Variants in UQCC1 observed in about 807,000 individuals in gnomAD.
The protein encoded by UQCC1 is ubiquinol-cytochrome c reductase complex assembly factor 1, also known as bFGF-repressed Zic-binding protein.
In UQCC1, 38 loss-of-function variants were observed where a neutral mutation model predicts 48.0. The observed-to-expected ratio is 0.79, with a 90% CI of 0.61 to 1.04. The LOEUF (loss-of-function observed/expected upper bound fraction) is 1.04, where lower values mean the gene tolerates loss of function less well. Among genes scored for constraint, UQCC1 ranks in the 50% least tolerant of loss-of-function variants. UQCC1 has a pLI of 0.00. For missense variants in UQCC1, 368 were observed against 381.8 expected (o/e 0.96, Z 0.30); for synonymous variants, 111 against 129.2 (o/e 0.86, Z 0.95).
chr20:35,367,269 T>A (rs538229521), intron 5 of UQCC1, among the ~76,000 whole-genome samples: 2 of 152,250 alleles, frequency 1.3e-5, no homozygotes, highest in African/African-American at 4.8e-5. Flanking sequence ...CTATGGTTCC[T>A]TCCAGCTTCC....
At chr20:35,401,471 A>C (rs2062163643) in intron 1 of UQCC1, among the ~76,000 whole-genome samples, 1 of 152,118 alleles carries the variant, frequency 6.6e-6, no homozygotes, top group African/African-American at 2.4e-5. Context: ...CGGAATGTTG[A>C]CCCATCTCAG....
chr20:35,314,659 C>A, intron 8 of UQCC1, 29 bp downstream of exon 8: 2 of 1,581,706 alleles, frequency 1.3e-6, no homozygotes, highest in South Asian at 1.1e-5. Context: ...AGGCCACCGT[C>A]CTGCCTAAGC....
chr20:35,384,458 T>C (rs971528754), intron 2 of UQCC1: 4 of 337,154 alleles, frequency 1.2e-5, no homozygotes, highest in South Asian at 2.5e-5. Flanking sequence ...CTGGGGAACA[T>C]AGCAAGACTC....
chr20:35,392,299 C>A (rs555575256), intron 2 of UQCC1: 3 of 1,303,934 alleles, frequency 2.3e-6, no homozygotes, highest in Non-Finnish European at 3.0e-6. Flanking sequence ...GAAGATACTC[C>A]AGTAAGTTAC....
At chr20:35,356,617 G>T (rs2061550066) in intron 6 of UQCC1, among the ~76,000 whole-genome samples, 1 of 152,182 alleles carries the variant, frequency 6.6e-6, no homozygotes, top group Non-Finnish European at 1.5e-5. Context: ...TCACAGGTGA[G>T]AAAATTGAGT....
chr20:35,374,533 C>G (rs2061774356), intron 4 of UQCC1, among the ~76,000 whole-genome samples: 1 of 152,200 alleles, frequency 6.6e-6, no homozygotes, highest in African/African-American at 2.4e-5. Flanking sequence ...TTCCAACCTA[C>G]TTCACCACAT....
chr20:35,373,669 T>C (rs569339096), intron 5 of UQCC1, among the ~76,000 whole-genome samples: 312 of 109,242 alleles, frequency 2.9e-3, no homozygotes, highest in African/African-American at 0.011. Flanking sequence ...CCTGGGCTAA[T>C]AGAGCAAGAC....
At chr20:35,319,343 A>C (rs375929351) in intron 7 of UQCC1, among the ~76,000 whole-genome samples, 1 of 152,196 alleles carries the variant, frequency 6.6e-6, no homozygotes, top group East Asian at 1.9e-4. Flanking sequence ...GGGAGGGAGC[A>C]CTCAATAGGA....
intron 1 of UQCC1, among the ~76,000 whole-genome samples, chr20:35,402,086 C>G (rs1425552719): frequency 6.6e-6 from 1 of 152,128 alleles, no homozygotes; most frequent in Non-Finnish European, 1.5e-5. Flanking sequence ...ATGTGGCATG[C>G]TATAATACAA....
rs1677427038 is a variant in UQCC1 at position 35,304,045 on chromosome 20, C to G, written c.790G>C (p.Gly264Arg). ...KQIQYLDSMN[G>R]EDLLLTGEVS... ...TCCCCTGTCAGAAGCAGATCCTCCC[C>G]GTTCATGGAGTCCAGGTACTGTATC... Residue 264 changes from glycine (G) to arginine (R), a missense_variant, in exon 10 of 10, where the codon GGG becomes CGG. Coordinates refer to ENST00000374385, the MANE Select transcript of UQCC1 (RefSeq NM_018244.5). 2 of 1,614,128 alleles carry G rather than the reference C, an allele frequency of 1.2e-6. No individual in the cohort carries two copies. Among genetic ancestry groups the G allele is most frequent in the Non-Finnish European group, 1.7e-6 (2 of 1,179,992 alleles).
intron 4 of UQCC1, among the ~76,000 whole-genome samples, chr20:35,376,375 T>C (rs1436852663): frequency 1.3e-5 from 2 of 151,860 alleles, no homozygotes; most frequent in African/African-American, 4.8e-5. Context: ...CCAAAACACA[T>C]AAGATACAAA....
At chr20:35,369,907 G>A (rs1202731532) in intron 5 of UQCC1, among the ~76,000 whole-genome samples, 1 of 152,064 alleles carries the variant, frequency 6.6e-6, no homozygotes, top group Non-Finnish European at 1.5e-5. Flanking sequence ...CCTCTCCAAG[G>A]CCTCCAGTCT....
chr20:35,348,838 G>T (rs1277093229), intron 6 of UQCC1, among the ~76,000 whole-genome samples: 4 of 152,102 alleles, frequency 2.6e-5, no homozygotes. Flanking sequence ...TTTTTTTGTA[G>T]AGACGGGGGT....
At chr20:35,327,347 G>C (rs941248039) in intron 7 of UQCC1, among the ~76,000 whole-genome samples, 3 of 152,206 alleles carry the variant, frequency 2.0e-5, no homozygotes, top group African/African-American at 4.8e-5. Context: ...TCACTGTTCA[G>C]AGCTGTACAA....
At chr20:35,307,635 G>C (rs542440254) in intron 8 of UQCC1, among the ~76,000 whole-genome samples, 74 of 152,320 alleles carry the variant, frequency 4.9e-4, no homozygotes, top group African/African-American at 1.7e-3. Flanking sequence ...TCGATGTGCT[G>C]ACTTGGAGTT....
At chr20:35,314,625 C>G in intron 8 of UQCC1, 63 bp downstream of exon 8, 1 of 1,418,042 alleles carries the variant, frequency 7.1e-7, no homozygotes, top group Non-Finnish European at 9.8e-7. Context: ...CTCAGAGGCT[C>G]TCATCAAAAG....
At chr20:35,332,949 T>C (rs561823645) in intron 7 of UQCC1, among the ~76,000 whole-genome samples, 1 of 152,340 alleles carries the variant, frequency 6.6e-6, no homozygotes, top group South Asian at 2.1e-4. Context: ...TGGAGCCAGG[T>C]ACTTCTGTGT....
intron 6 of UQCC1, among the ~76,000 whole-genome samples, chr20:35,353,168 C>T (rs1043434111): frequency 4.6e-5 from 7 of 151,632 alleles, no homozygotes; most frequent in Non-Finnish European, 1.0e-4. Context: ...TTTGGGAGGC[C>T]GAGGCAGGTG....
intron 1 of UQCC1, among the ~76,000 whole-genome samples, chr20:35,409,892 G>A (rs1229420982): frequency 2.6e-5 from 4 of 151,814 alleles, no homozygotes; most frequent in African/African-American, 9.7e-5. Flanking sequence ...TGCAACCTCC[G>A]CCTCCTGGGT....
Sources: allele counts gnomAD v4.1 joint callset (sites outside exome capture counted in the v4.1 genomes callset), GRCh38; gene constraint gnomAD v4.1.1; transcripts MANE v1.5; gene names NCBI Gene and HGNC (gene_info 2026-07-23, HGNC 2026-07-21).